LAMC1: variants seen among roughly 807,000 people sequenced by gnomAD.
The protein encoded by LAMC1 is laminin subunit gamma 1.
In LAMC1, 38 loss-of-function variants were observed where a neutral mutation model predicts 173.6. The observed-to-expected ratio is 0.22, with a 90% CI of 0.17 to 0.29. The LOEUF is 0.29. LAMC1 is among the 10% of genes least tolerant of loss of function. The pLI, the probability that LAMC1 is intolerant of heterozygous loss-of-function variation, is 1.00. For missense variants in LAMC1, 1,824 were observed against 2,051.8 expected, an observed-to-expected ratio of 0.89 and a Z score of 2.14; for synonymous variants, 746 against 749.1, an observed-to-expected ratio of 1.00 and a Z score of 0.07.
chr1:183,067,810 A>AT (rs1227875896), intron 1 of LAMC1, among the ~76,000 whole-genome samples: 2 of 152,100 alleles, frequency 1.3e-5, no homozygotes, highest in East Asian at 1.9e-4. Flanking sequence ...ATATTTAAAA[A>AT]TTTTTTTATT....
Position 183,141,578 on chromosome 1 carries a change from T to C in LAMC1, c.4574-956T>C, listed in dbSNP as rs1219423060. ...GTGTCAACACTCTAGCCAGGACTCT[T>C]TGTAGCAAGGCATTATATTTTAATT... On this transcript the variant is annotated intron_variant, in intron 27 of 27. Transcript: ENST00000258341. Among the ~76,000 whole-genome samples, 3 of 152,224 alleles carry C rather than the reference T, an allele frequency of 2.0e-5. No individual in the cohort carries two copies. The East Asian group carries it at 5.8e-4, about 29-fold the overall frequency.
At position 183,093,258 on chromosome 1, in the gene LAMC1, A is replaced by G. The variant is rs182451209; in HGVS notation, c.419-10070A>G. 1.2e-3 allele frequency among the ~76,000 whole-genome samples: 180 copies of G among 152,322 alleles called. 1 individual carries two copies. Among genetic ancestry groups the G allele is most frequent in the African/African-American group, 4.1e-3 (170 of 41,574 alleles). ...GCTTTCATTCCTGTCAGTTCTAACAAAGCACTTCAAGGTCACACCTCCAGG... is the reference window on the plus strand; with the variant it reads ...GCTTTCATTCCTGTCAGTTCTAACAGAGCACTTCAAGGTCACACCTCCAGG... On this transcript the variant is annotated intron_variant, in intron 1 of 27. Coordinates refer to ENST00000258341, the MANE Select transcript of LAMC1 (RefSeq NM_002293.4).
In LAMC1 at chr1:183,136,434, T is replaced by C. The variant is rs1571466561; in HGVS notation, c.4163T>C (p.Leu1388Pro). The C allele has an allele frequency of 2.5e-6, 4 of 1,614,172 alleles. No homozygotes were observed. The East Asian group carries it at 8.9e-5, about 36-fold the overall frequency. The change falls in exon 25 of 28, where the codon CTA (leucine) becomes CCA (proline). Residue 1388 changes from leucine to proline, a missense_variant. Coordinates refer to ENST00000258341, the MANE Select transcript of LAMC1 (RefSeq NM_002293.4). ...NDNKTAAEEA[L>P]RKIPAINQTI... ...AACAAGACGGCCGCAGAGGAGGCAC[T>C]AAGGAAGATTCCTGCCATCAACCAG...
chr1:183,079,612 C>A (rs549820655), intron 1 of LAMC1, among the ~76,000 whole-genome samples: 1 of 152,064 alleles, frequency 6.6e-6, no homozygotes, highest in African/African-American at 2.4e-5. Flanking sequence ...ATCTGGTCTT[C>A]TTTGAGGACT....
Position 183,134,757 on chromosome 1 carries a change from G to A in LAMC1, c.3947G>A (p.Gly1316Glu). Residue 1316 changes from glycine to glutamate, a missense_variant, in exon 23 of 28, where the codon GGG becomes GAG. Transcript: ENST00000258341. ...DYEDLREDMR[G>E]KELEVKNLLE... ...GAGGACCTCAGAGAAGATATGAGAG[G>A]GAAGGAACTTGAAGTCAAGAACCTT... The A allele has an allele frequency of 6.2e-7, 1 of 1,613,454 alleles. No individual in the cohort carries two copies. Among genetic ancestry groups the A allele is most frequent in the African/African-American group, 1.3e-5 (1 of 74,964 alleles).
intron 5 of LAMC1, 24 bp from the exon 6 acceptor site, chr1:183,115,496 G>T: frequency 6.5e-7 from 1 of 1,539,402 alleles, no homozygotes; most frequent in South Asian, 1.1e-5. Context: ...ATTTTTGTTT[G>T]ACAATAGGCA....
rs147794601 is a variant in LAMC1, at chr1:183,127,346, A to G, written c.3065A>G (p.Asn1022Ser). The G allele has an allele frequency of 3.2e-4, 522 of 1,614,130 alleles. No homozygotes were observed. Among genetic ancestry groups the G allele is most frequent in the Non-Finnish European group, 4.3e-4 (504 of 1,180,008 alleles). ...CAGTGTGAAGAAAACTATTTCTACA[A>G]TCGGTCTTGGCCTGGCTGCCAGGAA... ...CDQCEENYFYNRSWPGCQECP... is the reference protein window; with the variant it reads ...CDQCEENYFYSRSWPGCQECP... Residue 1022 changes from asparagine to serine, a missense_variant, in exon 17 of 28, where the codon AAT becomes AGT. Transcript: ENST00000258341.
rs1558053595 is a variant in LAMC1, at chr1:183,117,556, G to A, written c.1710G>A (p.Val570=). Reference sequence around the variant, plus strand: ...CAGCAAAGTTCTTGGGCAAGCAGGTGTTGAGTTATGGTCAGAACCTCTCCT... The same window carrying A: ...CAGCAAAGTTCTTGGGCAAGCAGGTATTGAGTTATGGTCAGAACCTCTCCT... The part of the protein sequence containing the change: ...IAPAKFLGKQ[V]LSYGQNLSFS... Residue 570 remains valine (V), a synonymous_variant, in exon 10 of 28, where the codon GTG becomes GTA. Transcript: ENST00000258341. 1 of 1,614,150 alleles carries A rather than the reference G, an allele frequency of 6.2e-7. No homozygotes were observed. Among genetic ancestry groups the A allele is most frequent in the Non-Finnish European group, 8.5e-7 (1 of 1,180,000 alleles).
chr1:183,039,579 T>C (rs1654072434), intron 1 of LAMC1, among the ~76,000 whole-genome samples: 1 of 152,244 alleles, frequency 6.6e-6, no homozygotes, highest in African/African-American at 2.4e-5. Flanking sequence ...GGGTTGTTTA[T>C]TATTGTTTTC....
At chr1:183,097,129 A>G (rs1312117254) in intron 1 of LAMC1, among the ~76,000 whole-genome samples, 1 of 152,164 alleles carries the variant, frequency 6.6e-6, no homozygotes, top group African/African-American at 2.4e-5. Context: ...TTGCAGCTGG[A>G]TATGTTGTCC....
intron 1 of LAMC1, among the ~76,000 whole-genome samples, chr1:183,042,378 C>T (rs1201492898): frequency 1.3e-5 from 2 of 152,274 alleles, no homozygotes; most frequent in Admixed American, 1.3e-4. Flanking sequence ...GTATTATCTG[C>T]CACCAGAGAG....
intron 1 of LAMC1, among the ~76,000 whole-genome samples, chr1:183,087,876 C>T (rs1174984291): frequency 2.0e-5 from 3 of 150,518 alleles, no homozygotes; most frequent in African/African-American, 4.9e-5. Context: ...TGCAATGGTG[C>T]GATGTCGGCT....
chr1:183,134,847 A>G (rs773120529), intron 23 of LAMC1, 38 bp downstream of exon 23: 9 of 1,597,564 alleles, frequency 5.6e-6, no homozygotes, highest in Non-Finnish European at 7.7e-6. Context: ...TTCTTGAGGC[A>G]ACATTTGAAC....
In LAMC1 at chr1:183,124,676, T is replaced by C. The variant is rs754478116; in HGVS notation, c.2447T>C (p.Leu816Pro). 32 of 1,614,182 alleles carry C rather than the reference T, an allele frequency of 2.0e-5. No homozygotes were observed. The highest frequency in any genetic ancestry group is 2.7e-5 in the African/African-American group (2 of 75,044). The change falls in exon 14 of 28, where the codon CTG becomes CCG. Residue 816 changes from leucine to proline, a missense_variant. By Grantham distance (98) the Leu-to-Pro change is moderately conservative (BLOSUM62 -3). Coordinates refer to ENST00000258341, the MANE Select transcript of LAMC1 (RefSeq NM_002293.4). ...GATGATGGCTACTTTGGAGACCCCC[T>C]GGGTAGAAACGGCCCTGTGAGACTT... Reference protein sequence around the residue: ...LCDDGYFGDPLGRNGPVRLCR... With the variant: ...LCDDGYFGDPPGRNGPVRLCR...
chr1:183,036,424 CAA>C (rs1260351678), intron 1 of LAMC1, among the ~76,000 whole-genome samples: 39 of 94,270 alleles, frequency 4.1e-4, no homozygotes, highest in East Asian at 1.0e-3. Flanking sequence ...TTTTTTGAGA[CAA>C]GAGTTTCGCT....
intron 17 of LAMC1, among the ~76,000 whole-genome samples, chr1:183,127,934 A>C (rs1412917717): frequency 6.6e-6 from 1 of 152,236 alleles, no homozygotes; most frequent in Non-Finnish European, 1.5e-5. Context: ...TGGGAAATCC[A>C]GATTATATTT....
chr1:183,141,641 G>A (rs1657117209), intron 27 of LAMC1, among the ~76,000 whole-genome samples: 2 of 152,150 alleles, frequency 1.3e-5, no homozygotes, highest in South Asian at 4.1e-4. Flanking sequence ...TGTTTTGGTG[G>A]GGGGCTACAG....
intron 1 of LAMC1, among the ~76,000 whole-genome samples, chr1:183,060,948 C>T (rs1337641774): frequency 6.6e-6 from 1 of 152,028 alleles, no homozygotes; most frequent in Non-Finnish European, 1.5e-5. Flanking sequence ...TGAAGCTGAC[C>T]AATTGAGATG....
chr1:183,096,565 A>G (rs1475064362), intron 1 of LAMC1: 1 of 152,252 alleles, frequency 6.6e-6, no homozygotes, highest in Non-Finnish European at 1.5e-5. Flanking sequence ...GTACTCAGAA[A>G]ACATGACTGT....
Sources: gnomAD v4.1 joint callset for allele counts (sites outside exome capture counted in the v4.1 genomes callset) on GRCh38, gnomAD v4.1.1 for gene constraint, MANE v1.5 for transcripts, NCBI Gene and HGNC (gene_info 2026-07-23, HGNC 2026-07-21) for gene names.